FBXW11: variants seen among roughly 807,000 people sequenced by gnomAD.
FBXW11 encodes F-box and WD repeat domain containing 11.
In FBXW11, 19 loss-of-function variants were observed where a neutral mutation model predicts 77.6. The observed-to-expected ratio is 0.24, with a 90% CI of 0.17 to 0.36. The LOEUF (loss-of-function observed/expected upper bound fraction) is 0.36. FBXW11 is among the 10% of genes least tolerant of loss of function. The pLI, the probability that FBXW11 is intolerant of heterozygous loss-of-function variation, is 1.00. For missense variants in FBXW11, 334 were observed against 704.2 expected, an observed-to-expected ratio of 0.47 and a Z score of 5.95; for synonymous variants, 235 against 249.4, an observed-to-expected ratio of 0.94 and a Z score of 0.54.
chr5:171,952,441 ATATATATTTTTTTTT>A, intron 2 of FBXW11, among the ~76,000 whole-genome samples: 1 of 11,022 alleles, frequency 9.1e-5, no homozygotes, highest in South Asian at 0.015. Flanking sequence ...ATATATATAT[ATATATATTTTTTTTT>A]TTTTTTTTTT....
At chr5:171,921,237 C>A (rs1433484552) in intron 2 of FBXW11, among the ~76,000 whole-genome samples, 1 of 152,176 alleles carries the variant, frequency 6.6e-6, no homozygotes, top group Non-Finnish European at 1.5e-5. Context: ...ATAGGTACAA[C>A]AGGCTCTTAG....
At chr5:171,931,860 CCTCTCT>C (rs149065535) in intron 2 of FBXW11, among the ~76,000 whole-genome samples, 90 of 6,264 alleles carry the variant, frequency 0.014, 2 homozygotes, top group East Asian at 0.074. Context: ...TCCCTCCCTC[CCTCTCT>C]CTCTCTCTCT....
chr5:171,921,046 G>A (rs140171161), intron 2 of FBXW11, among the ~76,000 whole-genome samples: 1 of 152,262 alleles, frequency 6.6e-6, no homozygotes, highest in East Asian at 1.9e-4. Flanking sequence ...GGGTAATTTA[G>A]TACAGCAATA....
intron 2 of FBXW11, 90 bp downstream of exon 2, chr5:171,957,507 T>A (rs182223052): frequency 1.4e-5 from 16 of 1,182,500 alleles, no homozygotes; most frequent in Non-Finnish European, 1.0e-5. Flanking sequence ...TTAGCAGACT[T>A]AACATTGGAT....
intron 1 of FBXW11, among the ~76,000 whole-genome samples, chr5:171,978,208 G>A (rs145210167): frequency 1.3e-5 from 2 of 152,132 alleles, no homozygotes; most frequent in African/African-American, 2.4e-5. Flanking sequence ...TGCAGAAAGC[G>A]AGGGTGAAAA....
intron 1 of FBXW11, among the ~76,000 whole-genome samples, chr5:171,968,478 G>A (rs1385486941): frequency 6.7e-6 from 1 of 148,344 alleles, no homozygotes; most frequent in Non-Finnish European, 1.5e-5. Context: ...AAAAGAATTT[G>A]GTTGCACTTT....
intron 2 of FBXW11, among the ~76,000 whole-genome samples, chr5:171,955,146 T>C (rs1561718785): frequency 6.6e-6 from 1 of 152,208 alleles, no homozygotes; most frequent in Non-Finnish European, 1.5e-5. Context: ...TTCTAGACGA[T>C]GGTAGAAACT....
intron 2 of FBXW11, among the ~76,000 whole-genome samples, chr5:171,950,007 C>G (rs754921529): frequency 7.4e-4 from 113 of 152,102 alleles, no homozygotes; most frequent in Admixed American, 3.9e-4. Flanking sequence ...CTTAACTCCA[C>G]ATGGCTTAAA....
In FBXW11 at chr5:171,868,773, C is replaced by T; in HGVS notation, c.1554G>A (p.Arg518=). The T allele has an allele frequency of 6.2e-7, 1 of 1,613,640 alleles. No individual in the cohort carries two copies. The highest frequency in any genetic ancestry group is 8.5e-7 in the Non-Finnish European group (1 of 1,179,786). ...TGATCTGAAACTCATCAAACTGGAG[C>T]CGAAACACACGTCCAGAATGTTCCT... ...TLVEHSGRVF[R]LQFDEFQIIS... The change falls in exon 13 of 14, where the codon CGG becomes CGA. Residue 518 remains arginine (R), a synonymous_variant. Transcript: ENST00000517395.
chr5:171,989,096 G>A (rs1765600106), intron 1 of FBXW11, among the ~76,000 whole-genome samples: 2 of 152,066 alleles, frequency 1.3e-5, no homozygotes, highest in South Asian at 4.2e-4. Flanking sequence ...AGAATCACTT[G>A]AACCCAGGAG....
intron 1 of FBXW11, among the ~76,000 whole-genome samples, chr5:172,005,081 T>C (rs1042339905): frequency 6.6e-6 from 1 of 152,188 alleles, no homozygotes; most frequent in Non-Finnish European, 1.5e-5. Context: ...ACAGAAACCA[T>C]GCAGCTATCC....
rs570769478 is a variant in FBXW11 at position 171,911,618 on chromosome 5, G to A, written c.211-821C>T. ...CATCCTTCTTTTGATTACCTTCTCA[G>A]AAAGTGACCCAAGGTAAATAAACCA... On this transcript the variant is annotated intron_variant, in intron 3 of 13. Transcript: ENST00000517395. Among the ~76,000 whole-genome samples the A allele has an allele frequency of 2.0e-5, 3 of 152,254 alleles. No individual in the cohort carries two copies. In the East Asian group the frequency reaches 5.8e-4, roughly 29 times the overall value.
At chr5:171,997,471 A>C (rs1000699060) in intron 1 of FBXW11, among the ~76,000 whole-genome samples, 2 of 152,240 alleles carry the variant, frequency 1.3e-5, no homozygotes, top group Non-Finnish European at 2.9e-5. Flanking sequence ...GGGCTCAAAT[A>C]TCTACCATAA....
chr5:171,891,993 CCAAA>C (rs1278958292), intron 6 of FBXW11, among the ~76,000 whole-genome samples: 1 of 152,142 alleles, frequency 6.6e-6, no homozygotes, highest in African/African-American at 2.4e-5. Flanking sequence ...ATCTACATAT[CCAAA>C]CAAAGAATTG....
intron 2 of FBXW11, among the ~76,000 whole-genome samples, chr5:171,947,817 T>C (rs1009134654): frequency 2.0e-5 from 3 of 152,008 alleles, no homozygotes; most frequent in Non-Finnish European, 4.4e-5. Context: ...CTTGGGAGGC[T>C]GAGGTGAAAG....
At chr5:171,910,526 G>C in intron 4 of FBXW11, 46 bp downstream of exon 4, 1 of 1,400,036 alleles carries the variant, frequency 7.1e-7, no homozygotes, top group Non-Finnish European at 1.0e-6. Context: ...TCCTTGGGCC[G>C]GGCATTCTTC....
intron 9 of FBXW11, 102 bp from the exon 10 acceptor site, chr5:171,873,092 T>C (rs1304454990): frequency 3.2e-6 from 3 of 935,300 alleles, no homozygotes; most frequent in African/African-American, 3.3e-5. Flanking sequence ...GACCCAAATA[T>C]GTGATTATAA....
At chr5:171,963,915 G>A (rs1764046282) in intron 1 of FBXW11, among the ~76,000 whole-genome samples, 2 of 152,024 alleles carry the variant, frequency 1.3e-5, no homozygotes, top group Non-Finnish European at 2.9e-5. Context: ...ATTATATTAC[G>A]GATTTTGTTA....
intron 8 of FBXW11, among the ~76,000 whole-genome samples, chr5:171,877,008 T>A (rs1383456344): frequency 6.6e-6 from 1 of 152,186 alleles, no homozygotes; most frequent in Middle Eastern, 3.2e-3. Flanking sequence ...CCTCGGGTAT[T>A]CCTTTATAGC....
Sources: gnomAD v4.1 joint callset for allele counts (sites outside exome capture counted in the v4.1 genomes callset) on GRCh38, gnomAD v4.1.1 for gene constraint, MANE v1.5 for transcripts, NCBI Gene and HGNC (gene_info 2026-07-23, HGNC 2026-07-21) for gene names.